The following SPTB variants were observed in gnomAD, a reference collection of about 807,000 sequenced individuals.
SPTB encodes spectrin beta chain, erythrocytic.
SPTB carries 45 observed loss-of-function variants against 256.2 expected under a neutral mutation model. The observed-to-expected ratio is 0.18, with a 90% CI of 0.14 to 0.23. The LOEUF is 0.23. SPTB is among the 10% of genes least tolerant of loss of function. The pLI is 1.00. For synonymous variants in SPTB, 1,231 were observed against 1,243.1 expected, an observed-to-expected ratio of 0.99 and a Z score of 0.21; for missense variants, 2,715 against 3,040.4, an observed-to-expected ratio of 0.89 and a Z score of 2.52.
intron 33 of SPTB, 72 bp downstream of exon 33, chr14:64,753,465 A>C: frequency 6.2e-7 from 1 of 1,605,168 alleles, no homozygotes; most frequent in Non-Finnish European, 8.5e-7. Flanking sequence ...CATGTCACCA[A>C]GGCTCTGCTA....
rs1049273915 is a variant in SPTB, at chr14:64,768,951, C to T, written c.6022+83G>A. 6 of 1,128,636 alleles carry T rather than the reference C, an allele frequency of 5.3e-6. 1 individual carries two copies. The highest frequency in any genetic ancestry group is 4.6e-5 in the African/African-American group (3 of 65,786). The allele number at this position is 1,128,636 out of a possible 1,614,324, so 69.9% of individuals were successfully genotyped here. On this transcript the variant is annotated intron_variant, in intron 29 of 35. Coordinates refer to ENST00000644917, the MANE Select transcript of SPTB (RefSeq NM_001355436.2). Reference sequence around the variant, plus strand: ...CTCCTCTCTAGGCAGTAGTGAAAATCCACCCATTGTGGCACCTCCCCATTC... The same window carrying T: ...CTCCTCTCTAGGCAGTAGTGAAAATTCACCCATTGTGGCACCTCCCCATTC...
chr14:64,842,448 TGG>T (rs2083621807), intron 1 of SPTB, among the ~76,000 whole-genome samples: 1 of 152,180 alleles, frequency 6.6e-6, no homozygotes, highest in African/African-American at 2.4e-5. Flanking sequence ...TTAGAATGCC[TGG>T]GGATGTCTCT....
rs549558345 is a variant in SPTB, at chr14:64,802,410, C to A, written c.475-93G>T. On this transcript the variant is annotated intron_variant, in intron 4 of 35. Transcript: ENST00000644917. This position sits in a 1 kb window ranked among gnomAD's most constrained non-coding sequence, Gnocchi z 5.1. Reference sequence around the variant, plus strand: ...CTGGGAGGCTCCCTCCCTCATCCCCCCTTCACTTAACACTAATTCATCCTT... The same window carrying A: ...CTGGGAGGCTCCCTCCCTCATCCCCACTTCACTTAACACTAATTCATCCTT... 1.7e-6 allele frequency: 2 copies of A among 1,187,366 alleles called. No homozygotes were observed. The highest frequency in any genetic ancestry group is 1.5e-5 in the African/African-American group (1 of 66,380). The allele number at this position is 1,187,366 out of a possible 1,614,324, so 73.6% of individuals were successfully genotyped here. A position where few individuals can be genotyped will look rare whatever the true frequency, so the allele number is the denominator to read the frequency against.
intron 1 of SPTB, among the ~76,000 whole-genome samples, chr14:64,857,601 A>T (rs1232300398): frequency 2.0e-5 from 3 of 151,334 alleles, no homozygotes; most frequent in East Asian, 3.9e-4. Context: ...AAAAAAAAAA[A>T]AAAATCCTGA....
rs560340606 is a variant in SPTB, at chr14:64,852,329, G to A, written c.-52+27463C>T. 6.6e-6 allele frequency among the ~76,000 whole-genome samples: 1 copy of A among 152,160 alleles called. No homozygotes were observed. Among genetic ancestry groups the A allele is most frequent in the Non-Finnish European group, 1.5e-5 (1 of 68,022 alleles). ...GGAAGAAACAGCCTGGAGATCCTGG[G>A]AAACTGCTACCAGTTCAGAGAGGGG... On this transcript the variant is annotated intron_variant, in intron 1 of 35. Transcript: ENST00000644917. This position sits in a 1 kb window ranked among gnomAD's most constrained non-coding sequence, Gnocchi z 4.2.
At chr14:64,849,000 A>G (rs1477853726) in intron 1 of SPTB, among the ~76,000 whole-genome samples, 2 of 152,198 alleles carry the variant, frequency 1.3e-5, no homozygotes, top group East Asian at 3.8e-4. Context: ...ATAATCCCTT[A>G]TTTGCAACTA....
chr14:64,774,718 C>T (rs547312690), intron 23 of SPTB, among the ~76,000 whole-genome samples, 191 bp from the exon 24 acceptor site: 1 of 152,284 alleles, frequency 6.6e-6, no homozygotes, highest in South Asian at 2.1e-4. Flanking sequence ...CTACCTTCCT[C>T]TCTGGACTCC....
At position 64,792,991 on chromosome 14, in the gene SPTB, T is replaced by C; in HGVS notation, c.2666+6A>G. 6.2e-7 allele frequency: 1 copy of C among 1,613,886 alleles called. No individual in the cohort carries two copies. Among genetic ancestry groups the C allele is most frequent in the South Asian group, 1.1e-5 (1 of 91,084 alleles). On this transcript the variant is annotated splice_donor_region_variant and intron_variant, in intron 14 of 35. Transcript: ENST00000644917. This position sits in a 1 kb window ranked among gnomAD's most constrained non-coding sequence, Gnocchi z 4.2. ...GGACGTGAGGAAAAGATGAGTTAAC[T>C]CTGACCTGTGCTGCACGACCTCCAG...
chr14:64,797,967 A>G (rs1594787956), intron 9 of SPTB, 121 bp from the exon 10 acceptor site: 2 of 774,392 alleles, frequency 2.6e-6, no homozygotes, highest in East Asian at 4.9e-5. Context: ...TTTCCCTTAA[A>G]AACACAGAAA....
chr14:64,862,757 C>T (rs1363969861), intron 1 of SPTB, among the ~76,000 whole-genome samples: 3 of 151,946 alleles, frequency 2.0e-5, no homozygotes, highest in Non-Finnish European at 2.9e-5. Context: ...CGCCTGTAAT[C>T]CCAGCTACTA....
rs1490250188 is a variant in SPTB at position 64,784,389 on chromosome 14, G to A, written c.3860C>T (p.Thr1287Ile). 4.3e-6 allele frequency: 7 copies of A among 1,614,160 alleles called. No individual in the cohort carries two copies. The highest frequency in any genetic ancestry group is 5.9e-6 in the Non-Finnish European group (7 of 1,180,040). ...QNFLQNCQELTLWINDKLLTS... is the reference protein window; with the variant it reads ...QNFLQNCQELILWINDKLLTS... The stretch of plus-strand genomic sequence containing the variant: ...CAGCAGCTTGTCGTTGATCCAGAGA[G>A]TGAGCTGTGTGCATAAAGAGTGGGC... The change falls in exon 19 of 36, where the codon ACT becomes ATT. Residue 1287 changes from threonine (T) to isoleucine (I), a missense_variant. Around this residue, in one of 4 missense-constraint regions of SPTB, gnomAD observed 2,239 missense variants for 2,384.4 expected, o/e 0.94. Coordinates refer to ENST00000644917, the MANE Select transcript of SPTB (RefSeq NM_001355436.2).
intron 1 of SPTB, among the ~76,000 whole-genome samples, chr14:64,854,655 C>A (rs1350667558): frequency 3.3e-5 from 5 of 152,066 alleles, no homozygotes; most frequent in Admixed American, 3.3e-4. Context: ...ATTAGTTCTG[C>A]CTCAGCTAGT....
intron 1 of SPTB, among the ~76,000 whole-genome samples, chr14:64,842,500 A>G (rs2083622521): frequency 6.6e-6 from 1 of 152,214 alleles, no homozygotes; most frequent in South Asian, 2.1e-4. Flanking sequence ...TAGGCCATTT[A>G]CTTATAGTCC....
chr14:64,875,765 G>A (rs1010198119), intron 1 of SPTB, among the ~76,000 whole-genome samples: 1 of 152,054 alleles, frequency 6.6e-6, no homozygotes, highest in East Asian at 1.9e-4. Context: ...TATCCATATG[G>A]TTTCAGAACC....
rs1485696138 is a variant in SPTB, at chr14:64,847,741, T to C, written c.-51-24596A>G. On this transcript the variant is annotated intron_variant, in intron 1 of 35. Coordinates refer to ENST00000644917, the MANE Select transcript of SPTB (RefSeq NM_001355436.2). This position sits in a 1 kb window ranked among gnomAD's most constrained non-coding sequence, Gnocchi z 5.9. ...TTCTAAATAAACCACTTGAAACTCA[T>C]TGCAGAGTTCATGCCTAACACAGCA... Among the ~76,000 whole-genome samples the C allele has an allele frequency of 6.6e-6, 1 of 152,192 alleles. No individual in the cohort carries two copies. The highest frequency in any genetic ancestry group is 6.5e-5 in the Admixed American group (1 of 15,278).
rs2082141815 is a variant in SPTB at position 64,764,815 on chromosome 14, G to C, written c.6345+1911C>G. 6.6e-6 allele frequency among the ~76,000 whole-genome samples: 1 copy of C among 152,182 alleles called. No homozygotes were observed. Among genetic ancestry groups the C allele is most frequent in the South Asian group, 2.1e-4 (1 of 4,832 alleles). On this transcript the variant is annotated intron_variant, in intron 32 of 35. Coordinates refer to ENST00000644917, the MANE Select transcript of SPTB (RefSeq NM_001355436.2). The surrounding 1 kb of genome is among the most constrained non-coding windows in gnomAD (Gnocchi z 4.2). ...CCCCCCAGAGTTCGCTCTCCTTCCG[G>C]CAGGGGCTGTTGCTGGGAAAAAGGG...
chr14:64,793,438 G>A lies in SPTB; in HGVS notation c.2225C>T (p.Ala742Val). The stretch of plus-strand genomic sequence containing the variant: ...GCCCTGGAACTGGAAAAAGTTCTCA[G>A]CATCCTGGAGGTTCTTCTTGCAGAA... ...AAFCKKNLQD[A>V]ENFFQFQGDA... Residue 742 changes from alanine to valine, a missense_variant, in exon 14 of 36, where the codon GCT becomes GTT. Physicochemically the swap from Ala to Val is moderately conservative, Grantham distance 64 (BLOSUM62 0). This residue lies in a region of SPTB where 2,239 missense variants were observed against 2,384.4 expected (regional missense o/e 0.94). Transcript: ENST00000644917. The surrounding 1 kb of genome is among the most constrained non-coding windows in gnomAD (Gnocchi z 7.0). 1 of 1,613,932 alleles carries A rather than the reference G, an allele frequency of 6.2e-7. No individual in the cohort carries two copies. The highest frequency in any genetic ancestry group is 1.6e-4 in the Middle Eastern group (1 of 6,062).
At position 64,785,988 on chromosome 14, in the gene SPTB, C is replaced by T. The variant is rs371957310; in HGVS notation, c.3562-37G>A. On this transcript the variant is annotated intron_variant, in intron 16 of 35. Coordinates refer to ENST00000644917, the MANE Select transcript of SPTB (RefSeq NM_001355436.2). This position sits in a 1 kb window ranked among gnomAD's most constrained non-coding sequence, Gnocchi z 4.4. ...AGTTTCCAGACAAGGCATGAAGACA[C>T]ACGGAGGAGGTGATGAGCACACCTC... 101 of 1,608,992 alleles carry T rather than the reference C, an allele frequency of 6.3e-5. 1 individual carries two copies. The highest frequency in any genetic ancestry group is 5.9e-6 in the Non-Finnish European group (7 of 1,176,996).
At chr14:64,868,098 C>G (rs1331828147) in intron 1 of SPTB, among the ~76,000 whole-genome samples, 1 of 152,052 alleles carries the variant, frequency 6.6e-6, no homozygotes, top group African/African-American at 2.4e-5. Context: ...CAATGGGGAA[C>G]CATTGAGGGT....
Sources: gnomAD v4.1 joint callset for allele counts (sites outside exome capture counted in the v4.1 genomes callset) on GRCh38, gnomAD v4.1.1 for gene constraint, gnomAD v4.1.1 regional missense constraint, Gnocchi (gnomAD v3.1) non-coding constraint, MANE v1.5 for transcripts, NCBI Gene and HGNC (gene_info 2026-07-23, HGNC 2026-07-21) for gene names.